Variants in L3MBTL4 observed in about 807,000 individuals in gnomAD.
L3MBTL4 encodes L3MBTL histone methyl-lysine binding protein 4.
In L3MBTL4, 70 loss-of-function variants were observed where a neutral mutation model predicts 84.5. The ratio of observed to expected loss-of-function variants is 0.83; its 90% CI spans 0.68 to 1.01. The LOEUF is 1.01. Ranked by LOEUF, L3MBTL4 falls within the 50% of genes least tolerant of loss-of-function variation. L3MBTL4 has a pLI of 0.00. For synonymous variants in L3MBTL4, 274 were observed against 259.8 expected (o/e 1.05, Z -0.52); for missense variants, 715 against 754.8 (o/e 0.95, Z 0.62).
intron 16 of L3MBTL4, among the ~76,000 whole-genome samples, chr18:5,999,483 CATAAAAATGTGTT>C (rs1462924496): frequency 6.6e-6 from 1 of 152,162 alleles, no homozygotes; most frequent in Non-Finnish European, 1.5e-5. Context: ...TGCTGTGCTT[CATAAAAATGTGTT>C]GAATGGAATG....
At chr18:6,155,559 C>T (rs1366164161) in intron 13 of L3MBTL4, among the ~76,000 whole-genome samples, 1 of 152,182 alleles carries the variant, frequency 6.6e-6, no homozygotes, top group Admixed American at 6.5e-5. Flanking sequence ...CTGCCATCCC[C>T]TCTAATTATG....
chr18:5,964,892 C>T (rs1598300783), intron 17 of L3MBTL4, among the ~76,000 whole-genome samples: 1 of 152,216 alleles, frequency 6.6e-6, no homozygotes, highest in Non-Finnish European at 1.5e-5. Flanking sequence ...TCTACTCACT[C>T]GAACATTTGT....
In L3MBTL4 at chr18:6,029,814, G is replaced by A. The variant is rs553756473; in HGVS notation, c.1444+51067C>T. ...TTAAAGTTCATTTGGAAAAATGAACGAGTAAGGGTAGCTGAGGAAATGCCG... is the reference window on the plus strand; with the variant it reads ...TTAAAGTTCATTTGGAAAAATGAACAAGTAAGGGTAGCTGAGGAAATGCCG... On this transcript the variant is annotated intron_variant, in intron 16 of 18. Transcript: ENST00000317931. The A allele has an allele frequency of 3.6e-5, 35 of 985,338 alleles. 1 individual carries two copies. In the South Asian group the frequency reaches 6.1e-4, roughly 17 times the overall value. 61.0% of individuals were successfully genotyped at this position (985,338 alleles called of 1,614,324 possible).
At chr18:6,384,708 G>A (rs2054742498) in intron 1 of L3MBTL4, among the ~76,000 whole-genome samples, 1 of 152,148 alleles carries the variant, frequency 6.6e-6, no homozygotes, top group Non-Finnish European at 1.5e-5. Flanking sequence ...AAAAGAATGT[G>A]GCAGAAGTGA....
At chr18:6,204,508 A>G (rs1248351665) in intron 12 of L3MBTL4, among the ~76,000 whole-genome samples, 1 of 152,224 alleles carries the variant, frequency 6.6e-6, no homozygotes, top group East Asian at 1.9e-4. Context: ...GTTTTAAAAG[A>G]AAAAAACATA....
intron 13 of L3MBTL4, among the ~76,000 whole-genome samples, chr18:6,152,986 A>C (rs2042958712): frequency 1.3e-5 from 2 of 152,144 alleles, no homozygotes; most frequent in African/African-American, 2.4e-5. Context: ...CTTATTAAAG[A>C]GATTTCCTTT....
At position 5,969,428 on chromosome 18, in the gene L3MBTL4, G is replaced by A. The variant is rs898090328; in HGVS notation, c.1579C>T (p.Arg527Trp). The part of the protein sequence containing the change: ...CKLLPGVADI[R>W]ASQVARWTVD... ...GTCCAACGTGCCACTTGGCTGGCCCGGATGTCAGCCACGCCTGGAAGCAAC... is the reference window on the plus strand; with the variant it reads ...GTCCAACGTGCCACTTGGCTGGCCCAGATGTCAGCCACGCCTGGAAGCAAC... The change falls in exon 17 of 19, where the codon CGG becomes TGG. Residue 527 changes from arginine to tryptophan, a missense_variant. Coordinates refer to ENST00000317931, the MANE Select transcript of L3MBTL4 (RefSeq NM_001330559.2). The A allele has an allele frequency of 2.8e-5, 45 of 1,613,596 alleles. No homozygotes were observed. The highest frequency in any genetic ancestry group is 3.4e-5 in the Non-Finnish European group (40 of 1,180,006).
chr18:6,200,169 T>C (rs1328479006), intron 12 of L3MBTL4, among the ~76,000 whole-genome samples: 1 of 152,242 alleles, frequency 6.6e-6, no homozygotes, highest in Non-Finnish European at 1.5e-5. Context: ...TTTTGGAATC[T>C]TAGGTGCAAA....
rs990600414 is a variant in L3MBTL4, at chr18:5,994,886, A to C, written c.1445-25324T>G. Reference sequence around the variant, plus strand: ...AAAAACCATAATCTTGTAGATTTAGATGTCACACATTTATATGCCTTTACA... The same window carrying C: ...AAAAACCATAATCTTGTAGATTTAGCTGTCACACATTTATATGCCTTTACA... On this transcript the variant is annotated intron_variant, in intron 16 of 18. Coordinates refer to ENST00000317931, the MANE Select transcript of L3MBTL4 (RefSeq NM_001330559.2). 2.0e-5 allele frequency among the ~76,000 whole-genome samples: 3 copies of C among 152,240 alleles called. No homozygotes were observed. The East Asian group carries it at 5.8e-4, about 29-fold the overall frequency.
chr18:6,230,639 T>C (rs141337368), intron 10 of L3MBTL4, among the ~76,000 whole-genome samples: 49 of 152,242 alleles, frequency 3.2e-4, no homozygotes, highest in African/African-American at 8.7e-4. Context: ...CTACTAACAC[T>C]ACTTTGAGTT....
chr18:6,055,938 T>C (rs946323606), intron 16 of L3MBTL4, among the ~76,000 whole-genome samples: 2 of 152,154 alleles, frequency 1.3e-5, no homozygotes, highest in African/African-American at 4.8e-5. Context: ...TAATATCAAC[T>C]GTGAACCATA....
intron 1 of L3MBTL4, among the ~76,000 whole-genome samples, chr18:6,360,398 T>A (rs943862896): frequency 2.2e-4 from 34 of 152,258 alleles, no homozygotes; most frequent in African/African-American, 8.2e-4. Flanking sequence ...TAAAGCCAGA[T>A]GAGACAGGAA....
At chr18:6,412,937 A>G (rs560123058) in intron 1 of L3MBTL4, among the ~76,000 whole-genome samples, 28 of 151,976 alleles carry the variant, frequency 1.8e-4, no homozygotes, top group Non-Finnish European at 3.5e-4. Flanking sequence ...AAAAAAAATT[A>G]GAAAATTAGC....
At chr18:6,155,893 CTG>C (rs1273819873) in intron 13 of L3MBTL4, among the ~76,000 whole-genome samples, 2 of 152,088 alleles carry the variant, frequency 1.3e-5, no homozygotes, top group Non-Finnish European at 2.9e-5. Flanking sequence ...ATACTTGACT[CTG>C]TGTTCATTCC....
At chr18:6,101,701 C>T (rs1261229607) in intron 14 of L3MBTL4, among the ~76,000 whole-genome samples, 2 of 152,186 alleles carry the variant, frequency 1.3e-5, no homozygotes, top group Non-Finnish European at 2.9e-5. Context: ...ATGGAGAGGA[C>T]TAAGTACATT....
intron 12 of L3MBTL4, among the ~76,000 whole-genome samples, chr18:6,212,387 T>C (rs1405969817): frequency 3.3e-5 from 5 of 152,232 alleles, no homozygotes; most frequent in Admixed American, 3.3e-4. Flanking sequence ...TTAGTGCCTA[T>C]TAAAATTAGT....
At chr18:6,164,108 T>C (rs940408069) in intron 13 of L3MBTL4, among the ~76,000 whole-genome samples, 15 of 152,132 alleles carry the variant, frequency 9.9e-5, no homozygotes, top group African/African-American at 3.6e-4. Flanking sequence ...GAGATCAAAC[T>C]GCAAGGCAGC....
intron 8 of L3MBTL4, among the ~76,000 whole-genome samples, chr18:6,240,623 C>T (rs2047411789): frequency 6.6e-6 from 1 of 152,150 alleles, no homozygotes; most frequent in East Asian, 1.9e-4. Context: ...TTTTTCTCTA[C>T]TTCTCTTTCA....
intron 3 of L3MBTL4, among the ~76,000 whole-genome samples, chr18:6,306,642 A>T (rs2050598512): frequency 6.6e-6 from 1 of 152,228 alleles, no homozygotes; most frequent in Non-Finnish European, 1.5e-5. Flanking sequence ...CATTCTTTAA[A>T]GGCCAGTGGC....
Sources: allele counts gnomAD v4.1 joint callset (sites outside exome capture counted in the v4.1 genomes callset), GRCh38; gene constraint gnomAD v4.1.1; transcripts MANE v1.5; gene names NCBI Gene and HGNC (gene_info 2026-07-23, HGNC 2026-07-21).